NME7: variants seen among roughly 807,000 people sequenced by gnomAD.
The protein encoded by NME7 is NME/NM23 family member 7.
A neutral mutation model predicts 49.1 loss-of-function variants in NME7; 41 were observed. The observed-to-expected ratio is 0.83, with a 90% CI of 0.65 to 1.08. The LOEUF is 1.08. NME7 is among the 50% of genes least tolerant of loss of function. NME7 has a pLI of 0.00. For missense variants in NME7, 423 were observed against 463.4 expected (o/e 0.91, Z 0.80); for synonymous variants, 139 against 150.6 (o/e 0.92, Z 0.56).
Position 169,275,994 on chromosome 1 carries a change from A to G in NME7, c.754+11309T>C, listed in dbSNP as rs569767001. Reference sequence around the variant, plus strand: ...TTTATATGCTGGATTACATTTATTGATTTGCGTATATTGAACCGGCCTTGC... The same window carrying G: ...TTTATATGCTGGATTACATTTATTGGTTTGCGTATATTGAACCGGCCTTGC... On this transcript the variant is annotated intron_variant, in intron 7 of 11. Transcript: ENST00000367811. Among the ~76,000 whole-genome samples the G allele has an allele frequency of 9.5e-4, 126 of 133,144 alleles. 14 individuals are homozygous for G. The highest frequency in any genetic ancestry group is 3.8e-3 in the Middle Eastern group (1 of 260). The allele number at this position is 133,144 out of a possible 152,430, so 87.3% of individuals were successfully genotyped here.
chr1:169,221,409 T>C (rs1189785634), intron 10 of NME7, among the ~76,000 whole-genome samples: 4 of 152,140 alleles, frequency 2.6e-5, no homozygotes, highest in Non-Finnish European at 5.9e-5. Flanking sequence ...CTCTCTGACC[T>C]TATCTTCTAC....
chr1:169,280,708 G>C (rs900163543), intron 7 of NME7, among the ~76,000 whole-genome samples: 3 of 147,808 alleles, frequency 2.0e-5, no homozygotes, highest in Non-Finnish European at 4.4e-5. Context: ...TTATTAAATA[G>C]GGAATCTTTT....
chr1:169,262,762 C>T (rs574845783), intron 7 of NME7, among the ~76,000 whole-genome samples: 1 of 133,838 alleles, frequency 7.5e-6, no homozygotes, highest in Admixed American at 7.3e-5. Context: ...GAGAATCAAC[C>T]TGGCTTCCCC....
rs546964092 is a variant in NME7 at position 169,345,417 on chromosome 1, T to TG, written c.4-20918dup. Among the ~76,000 whole-genome samples, 43 of 142,050 alleles carry TG rather than the reference T, an allele frequency of 3.0e-4. No individual in the cohort carries two copies. The South Asian group carries it at 5.0e-3, about 16-fold the overall frequency. The allele number at this position is 142,050 out of a possible 152,430, so 93.2% of individuals were successfully genotyped here. A position where few individuals can be genotyped will look rare whatever the true frequency, so the allele number is the denominator to read the frequency against. ...TTCTCTTTTTATTTTCTAGTAGAGA[T>TG]GGGGGGGTCTCACTATGTTGTCTAG... On this transcript the variant is annotated intron_variant, in intron 1 of 11. Transcript: ENST00000367811.
chr1:169,188,157 T>C (rs1660125878), intron 10 of NME7, among the ~76,000 whole-genome samples: 1 of 152,206 alleles, frequency 6.6e-6, no homozygotes, highest in African/African-American at 2.4e-5. Context: ...TAACCCGACC[T>C]TTCTCTCTGG....
intron 11 of NME7, among the ~76,000 whole-genome samples, chr1:169,167,548 T>A (rs2101841281): frequency 6.6e-6 from 1 of 152,316 alleles, no homozygotes; most frequent in East Asian, 1.9e-4. Context: ...TTATTTACAG[T>A]TTCCTTCTTG....
At chr1:169,325,150 A>T (rs1472497425) in intron 1 of NME7, among the ~76,000 whole-genome samples, 1 of 152,182 alleles carries the variant, frequency 6.6e-6, no homozygotes, top group Non-Finnish European at 1.5e-5. Flanking sequence ...AAAGCCGATA[A>T]AAACAATAGA....
intron 1 of NME7, among the ~76,000 whole-genome samples, chr1:169,335,643 C>A (rs1321684974): frequency 6.7e-6 from 1 of 150,364 alleles, no homozygotes; most frequent in East Asian, 1.9e-4. Flanking sequence ...AACAAACCTG[C>A]ACGTTCTGCA....
rs1571316952 is a variant in NME7 at position 169,239,205 on chromosome 1, A to T, written c.755-1518T>A. Among the ~76,000 whole-genome samples, 3 of 152,128 alleles carry T rather than the reference A, an allele frequency of 2.0e-5. No individual in the cohort carries two copies. The East Asian group carries it at 5.8e-4, about 29-fold the overall frequency. On this transcript the variant is annotated intron_variant, in intron 7 of 11. Transcript: ENST00000367811. ...GAAGAAAAGAATAAGTAGTGGAAAGAATAGCAAAAGCTTTTGAAATCATTT... is the reference window on the plus strand; with the variant it reads ...GAAGAAAAGAATAAGTAGTGGAAAGTATAGCAAAAGCTTTTGAAATCATTT...
chr1:169,282,134 T>C (rs1253057240), intron 7 of NME7, among the ~76,000 whole-genome samples: 1 of 152,208 alleles, frequency 6.6e-6, no homozygotes, highest in African/African-American at 2.4e-5. Context: ...GAACCTGTTA[T>C]TGGTCTGTTC....
At chr1:169,241,252 C>G (rs71635612) in intron 7 of NME7, among the ~76,000 whole-genome samples, 4,902 of 151,784 alleles carry the variant, frequency 0.032, 142 homozygotes, top group Non-Finnish European at 0.048. Context: ...TTTTTTTCCC[C>G]CTGCAGATGC....
intron 3 of NME7, among the ~76,000 whole-genome samples, chr1:169,316,019 G>A (rs1411446913): frequency 1.3e-5 from 2 of 151,290 alleles, no homozygotes; most frequent in African/African-American, 4.9e-5. Context: ...AAAGAAAGAG[G>A]GTAAAATAAA....
chr1:169,284,721 T>C (rs1184357388), intron 7 of NME7: 3 of 152,220 alleles, frequency 2.0e-5, no homozygotes, highest in Non-Finnish European at 4.4e-5. Flanking sequence ...TTTTGGGTTT[T>C]ACATTTAAGT....
At chr1:169,167,249 A>G (rs552809879) in intron 11 of NME7, among the ~76,000 whole-genome samples, 1 of 152,278 alleles carries the variant, frequency 6.6e-6, no homozygotes, top group South Asian at 2.1e-4. Context: ...ACCTCACACT[A>G]TATGTCTAAT....
At chr1:169,311,236 G>A (rs1366596542) in intron 3 of NME7, among the ~76,000 whole-genome samples, 1 of 151,848 alleles carries the variant, frequency 6.6e-6, no homozygotes, top group Non-Finnish European at 1.5e-5. Flanking sequence ...GGCTAACACG[G>A]TGAAACCCCG....
At chr1:169,241,864 C>T (rs983461765) in intron 7 of NME7, among the ~76,000 whole-genome samples, 5 of 151,230 alleles carry the variant, frequency 3.3e-5, no homozygotes, top group Admixed American at 2.0e-4. Context: ...ATATTGAAAT[C>T]ATATGAAGAC....
intron 4 of NME7, among the ~76,000 whole-genome samples, chr1:169,309,125 G>A (rs1651289187): frequency 6.6e-6 from 1 of 152,088 alleles, no homozygotes; most frequent in African/African-American, 2.4e-5. Flanking sequence ...AATTAAATGA[G>A]GCATGCATAA....
chr1:169,277,061 T>A (rs1380504655), intron 7 of NME7, among the ~76,000 whole-genome samples: 1 of 150,546 alleles, frequency 6.6e-6, no homozygotes, highest in Non-Finnish European at 1.5e-5. Flanking sequence ...GACAGTTTGT[T>A]ATAATTTCTG....
intron 11 of NME7, among the ~76,000 whole-genome samples, chr1:169,140,652 T>C (rs949563887): frequency 3.3e-5 from 5 of 151,782 alleles, no homozygotes; most frequent in Non-Finnish European, 7.4e-5. Context: ...TCAGGTGACC[T>C]TGACACTTCC....
Sources: gnomAD v4.1 joint callset for allele counts (sites outside exome capture counted in the v4.1 genomes callset) on GRCh38, gnomAD v4.1.1 for gene constraint, MANE v1.5 for transcripts, NCBI Gene and HGNC (gene_info 2026-07-23, HGNC 2026-07-21) for gene names.